Variants in LIMS2 observed in about 807,000 individuals in gnomAD.
LIMS2 encodes the protein LIM and senescent cell antigen-like-containing domain protein 2.
In LIMS2, 30 loss-of-function variants were observed where a neutral mutation model predicts 45.3. The observed-to-expected ratio is 0.66, with a 90% confidence interval of 0.50 to 0.90. The LOEUF (loss-of-function observed/expected upper bound fraction) is 0.90. Ranked by LOEUF, LIMS2 falls within the 40% of genes least tolerant of loss-of-function variation. LIMS2 has a pLI of 0.00. For synonymous variants in LIMS2, 173 were observed against 188.0 expected (o/e 0.92, Z 0.65); for missense variants, 485 against 468.7 (o/e 1.03, Z -0.32).
chr2:127,643,903 G>C (rs377383293), intron 4 of LIMS2, among the ~76,000 whole-genome samples: 6 of 152,062 alleles, frequency 3.9e-5, no homozygotes, highest in Non-Finnish European at 7.4e-5. Context: ...CACTCCTCAC[G>C]AGCCTCCACG....
At position 127,664,530 on chromosome 2, in the gene LIMS2, G is replaced by T. The variant is rs996956287; in HGVS notation, c.12-6968C>A. 23 of 1,152,254 alleles carry T rather than the reference G, an allele frequency of 2.0e-5. No homozygotes were observed. In the South Asian group the frequency reaches 7.9e-4, roughly 40 times the overall value. 71.4% of individuals were successfully genotyped at this position (1,152,254 alleles called of 1,614,324 possible). A position where few individuals can be genotyped will look rare whatever the true frequency, so the allele number is the denominator to read the frequency against. On this transcript the variant is annotated intron_variant, in intron 1 of 9. Coordinates refer to ENST00000355119, the MANE Select transcript of LIMS2 (RefSeq NM_001161403.3). The surrounding 1 kb of genome is among the most constrained non-coding windows in gnomAD (Gnocchi z 5.5). The stretch of plus-strand genomic sequence containing the variant: ...TGTGGGCGCCTCCCCCGCGCTGGTC[G>T]CGAGCTCACGTTACGCGCTGGGATC...
At chr2:127,641,949 G>T (rs775874658) in intron 6 of LIMS2, 100 bp downstream of exon 6, 10 of 1,371,452 alleles carry the variant, frequency 7.3e-6, no homozygotes, top group South Asian at 1.5e-5. Context: ...CCAGCCACCC[G>T]CCCTGGGCTG....
intron 1 of LIMS2, among the ~76,000 whole-genome samples, chr2:127,658,966 C>A (rs1038619238): frequency 2.0e-5 from 3 of 152,162 alleles, no homozygotes; most frequent in Non-Finnish European, 4.4e-5. Flanking sequence ...AGGCTCCTGT[C>A]GGGCTGTTCT....
rs543667683 is a variant in LIMS2 at position 127,658,127 on chromosome 2, C to T, written c.12-565G>A. 2.6e-5 allele frequency among the ~76,000 whole-genome samples: 4 copies of T among 152,338 alleles called. No individual in the cohort carries two copies. The South Asian group carries it at 6.2e-4, about 24-fold the overall frequency. ...GGGTGCGTGTGCAGAATGGCTCAAG[C>T]CTGTCATCCAGAGCACTGTGGGAGG... On this transcript the variant is annotated intron_variant, in intron 1 of 9. Coordinates refer to ENST00000355119, the MANE Select transcript of LIMS2 (RefSeq NM_001161403.3).
intron 6 of LIMS2, 119 bp downstream of exon 6, chr2:127,641,930 C>T (rs1023814368): frequency 4.3e-5 from 53 of 1,230,184 alleles, no homozygotes; most frequent in Admixed American, 3.4e-4. Context: ...GGAAGGGCCT[C>T]GTTGGGAGCC....
chr2:127,651,371 C>T, intron 4 of LIMS2: 2 of 1,612,650 alleles, frequency 1.2e-6, no homozygotes, highest in Non-Finnish European at 1.7e-6. Context: ...TCACCTGCTA[C>T]CTGCTGATCA....
chr2:127,650,594 G>A (rs575630553), intron 4 of LIMS2: 15 of 687,048 alleles, frequency 2.2e-5, no homozygotes, highest in Admixed American at 2.1e-4. Context: ...AGCCCCGTGG[G>A]CGGTGCTGAG....
Position 127,644,841 on chromosome 2 carries a change from G to A in LIMS2, c.360-1769C>T, listed in dbSNP as rs140650632. Among the ~76,000 whole-genome samples, 716 of 152,226 alleles carry A rather than the reference G, an allele frequency of 4.7e-3. 1 individual carries two copies. The highest frequency in any genetic ancestry group is 0.01 in the Middle Eastern group (3 of 294). On this transcript the variant is annotated intron_variant, in intron 4 of 9. Transcript: ENST00000355119. Reference sequence around the variant, plus strand: ...CCAGTTCTTCCAGACAGCCGCCTGCGGGCACAACAGGAAAGAGACCTGCGC... The same window carrying A: ...CCAGTTCTTCCAGACAGCCGCCTGCAGGCACAACAGGAAAGAGACCTGCGC...
chr2:127,671,882 G>A lies in LIMS2; in HGVS notation c.11+3132C>T, dbSNP rs60920351. ...AAGCCCCTGACGCCACTGCAGCCTCGTGTGCTGTGCTGAGGGCTCTAGCTG... is the reference window on the plus strand; with the variant it reads ...AAGCCCCTGACGCCACTGCAGCCTCATGTGCTGTGCTGAGGGCTCTAGCTG... On this transcript the variant is annotated intron_variant, in intron 1 of 9. Transcript: ENST00000355119. This position sits in a 1 kb window ranked among gnomAD's most constrained non-coding sequence, Gnocchi z 4.1. Among the ~76,000 whole-genome samples, 6,996 of 152,334 alleles carry A rather than the reference G, an allele frequency of 0.046. 297 individuals are homozygous for A. The highest frequency in any genetic ancestry group is 0.11 in the African/African-American group (4,569 of 41,562).
chr2:127,650,148 G>A, intron 4 of LIMS2: 3 of 1,370,776 alleles, frequency 2.2e-6, no homozygotes, highest in South Asian at 2.5e-5. Context: ...ACCCTCCTAA[G>A]TGCCAGGGGC....
rs1430933614 is a variant in LIMS2 at position 127,671,738 on chromosome 2, G to A, written c.11+3276C>T. 6.6e-6 allele frequency among the ~76,000 whole-genome samples: 1 copy of A among 152,228 alleles called. No individual in the cohort carries two copies. Among genetic ancestry groups the A allele is most frequent in the African/African-American group, 2.4e-5 (1 of 41,466 alleles). ...AAGGGGCCAGTCAGCACCAGAAGTA[G>A]AAGAAAAAGGAAGGAGGTGAGGGGC... On this transcript the variant is annotated intron_variant, in intron 1 of 9. Coordinates refer to ENST00000355119, the MANE Select transcript of LIMS2 (RefSeq NM_001161403.3). This position sits in a 1 kb window ranked among gnomAD's most constrained non-coding sequence, Gnocchi z 4.1.
At chr2:127,639,695 T>C (rs1682207156) in intron 9 of LIMS2, among the ~76,000 whole-genome samples, 1 of 152,084 alleles carries the variant, frequency 6.6e-6, no homozygotes, top group Non-Finnish European at 1.5e-5. Flanking sequence ...CTGGACGCCA[T>C]CTCTCCTCTC....
chr2:127,665,940 G>T (rs1684977541), intron 1 of LIMS2, among the ~76,000 whole-genome samples: 1 of 152,204 alleles, frequency 6.6e-6, no homozygotes, highest in African/African-American at 2.4e-5. Flanking sequence ...AGTTTACCAA[G>T]TACTAATCAA....
chr2:127,638,462 C>CAACA lies in LIMS2; in HGVS notation c.*815_*818dup, dbSNP rs34246242. ...AGCCTTCATTGTGCAAGCGTGAGCC[C>CAACA]AACAAACAAACACCAGGTCTGCGCT... On this transcript the variant is annotated 3_prime_UTR_variant, in exon 10 of 10. Transcript: ENST00000355119. The CAACA allele has an allele frequency of 0.25, 38,187 of 152,176 alleles. 5,219 individuals carry two copies. The highest frequency in any genetic ancestry group is 0.41 in the South Asian group (1,957 of 4,818). 9.4% of individuals were successfully genotyped at this position (152,176 alleles called of 1,614,324 possible). A position where few individuals can be genotyped will look rare whatever the true frequency, so the allele number is the denominator to read the frequency against.
rs147951555 is a variant in LIMS2, at chr2:127,651,523, G to A, written c.359+2901C>T. 1.4e-4 allele frequency: 225 copies of A among 1,612,432 alleles called. 1 individual carries two copies. The highest frequency in any genetic ancestry group is 1.3e-3 in the African/African-American group (99 of 75,076). ...CGCTCCGTCTACGTGCTGCACTACC[G>A]CAGCCATGGGGCCTCCTGCGCCACC... is the stretch of plus-strand genomic sequence containing the variant. On this transcript the variant is annotated intron_variant, in intron 4 of 9. Transcript: ENST00000355119.
rs1318674076 is a variant in LIMS2 at position 127,647,793 on chromosome 2, C to G, written c.360-4721G>C. On this transcript the variant is annotated intron_variant, in intron 4 of 9. Coordinates refer to ENST00000355119, the MANE Select transcript of LIMS2 (RefSeq NM_001161403.3). The surrounding 1 kb of genome is among the most constrained non-coding windows in gnomAD (Gnocchi z 4.3). Reference sequence around the variant, plus strand: ...TTGCCCATGCGTCTGCCCTGGAGCCCTGTTCCTCCAGTCTCCGGGTCCTCA... The same window carrying G: ...TTGCCCATGCGTCTGCCCTGGAGCCGTGTTCCTCCAGTCTCCGGGTCCTCA... Among the ~76,000 whole-genome samples the G allele has an allele frequency of 6.6e-6, 1 of 152,076 alleles. No homozygotes were observed. The highest frequency in any genetic ancestry group is 2.4e-5 in the African/African-American group (1 of 41,394).
intron 1 of LIMS2, among the ~76,000 whole-genome samples, chr2:127,662,627 TGTG>T (rs1558896840): frequency 2.8e-5 from 1 of 36,106 alleles, no homozygotes; most frequent in African/African-American, 1.2e-4. Context: ...CAGAGGCTCT[TGTG>T]GGGTGGGGGG....
At chr2:127,654,746 C>T (rs777752401) in intron 3 of LIMS2, 84 bp downstream of exon 3, 234 of 1,509,896 alleles carry the variant, frequency 1.5e-4, no homozygotes, top group Admixed American at 6.8e-5. Flanking sequence ...TGGGCCAGTT[C>T]TGTGTACCCC....
chr2:127,671,264 CA>C lies in LIMS2; in HGVS notation c.11+3749del, dbSNP rs1252464824. Among the ~76,000 whole-genome samples, 2 of 151,946 alleles carry C rather than the reference CA, an allele frequency of 1.3e-5. No individual in the cohort carries two copies. The highest frequency in any genetic ancestry group is 2.9e-5 in the Non-Finnish European group (2 of 67,986). ...GGCCAACACGGTAAAACCCCATCTC[CA>C]ATAAAAATACAAAAAAAATTAGCCG... On this transcript the variant is annotated intron_variant, in intron 1 of 9. Coordinates refer to ENST00000355119, the MANE Select transcript of LIMS2 (RefSeq NM_001161403.3). The surrounding 1 kb of genome is among the most constrained non-coding windows in gnomAD (Gnocchi z 4.1).
Sources: gnomAD v4.1 joint callset for allele counts (sites outside exome capture counted in the v4.1 genomes callset) on GRCh38, gnomAD v4.1.1 for gene constraint, Gnocchi (gnomAD v3.1) non-coding constraint, MANE v1.5 for transcripts, NCBI Gene and HGNC (gene_info 2026-07-23, HGNC 2026-07-21) for gene names.